Variants in ADAMTSL1 observed in about 807,000 individuals in gnomAD.
ADAMTSL1 encodes ADAMTS like 1.
ADAMTSL1 carries 126 observed loss-of-function variants against 201.8 expected under a neutral mutation model. The ratio of observed to expected loss-of-function variants is 0.62; its 90% CI spans 0.54 to 0.72. ADAMTSL1 has a LOEUF of 0.72. ADAMTSL1 is among the 30% of genes least tolerant of loss of function. ADAMTSL1 has a pLI of 0.00. For synonymous variants in ADAMTSL1, 1,121 were observed against 903.4 expected, an observed-to-expected ratio of 1.24 and a Z score of -4.32; for missense variants, 2,679 against 2,277.8, an observed-to-expected ratio of 1.18 and a Z score of -3.59.
At chr9:18,421,937 T>C (rs1193923479) in intron 2 of ADAMTSL1, among the ~76,000 whole-genome samples, 1 of 152,246 alleles carries the variant, frequency 6.6e-6, no homozygotes, top group Non-Finnish European at 1.5e-5. Flanking sequence ...GTTTCTTTCA[T>C]CATCATTTGC....
chr9:18,002,852 A>C (rs1407187363), intron 1 of ADAMTSL1, among the ~76,000 whole-genome samples: 1 of 152,080 alleles, frequency 6.6e-6, no homozygotes, highest in African/African-American at 2.4e-5. Context: ...AGAGCCAGAT[A>C]ACTAGCAAAT....
rs561783459 is a variant in ADAMTSL1, at chr9:18,208,000, G to T, written c.207+44019G>T. On this transcript the variant is annotated intron_variant, in intron 2 of 29. Coordinates refer to the ADAMTSL1 transcript ENST00000680146. Reference sequence around the variant, plus strand: ...GACAGCACCTGGGAACCAGGTGAATGTCAGTTTTACCACTTGCTGTGTGTC... The same window carrying T: ...GACAGCACCTGGGAACCAGGTGAATTTCAGTTTTACCACTTGCTGTGTGTC... Among the ~76,000 whole-genome samples, 7 of 152,280 alleles carry T rather than the reference G, an allele frequency of 4.6e-5. No individual in the cohort carries two copies. In the South Asian group the frequency reaches 1.4e-3, roughly 32 times the overall value.
intron 8 of ADAMTSL1, among the ~76,000 whole-genome samples, chr9:18,660,058 T>A (rs1340696433): frequency 1.3e-5 from 2 of 152,198 alleles, no homozygotes; most frequent in Admixed American, 1.3e-4. Flanking sequence ...TAGATTTACA[T>A]GTATCTTACT....
rs777446647 is a variant in ADAMTSL1 at position 18,675,907 on chromosome 9, G to A, written c.1136G>A (p.Arg379Gln). The A allele has an allele frequency of 1.2e-5, 20 of 1,612,410 alleles. No individual in the cohort carries two copies. The highest frequency in any genetic ancestry group is 1.6e-4 in the Middle Eastern group (1 of 6,080). Residue 379 changes from arginine (R) to glutamine (Q), a missense_variant and splice_region_variant, in exon 10 of 29, where the codon CGG becomes CAG. Coordinates refer to ENST00000380548, the MANE Select transcript of ADAMTSL1 (RefSeq NM_001040272.6). ...MPYDLYHPLP[R>Q]WEATPWTACS... ...TATGACCTCTACCATCCCCTTCCTC[G>A]GTACGTAAATCAATCATCCTGATGT...
chr9:18,816,180 C>G (rs1823838506), intron 20 of ADAMTSL1, among the ~76,000 whole-genome samples: 1 of 152,230 alleles, frequency 6.6e-6, no homozygotes, highest in Non-Finnish European at 1.5e-5. Flanking sequence ...CACTATGCTA[C>G]TCTCTACTTC....
At chr9:18,447,238 C>T (rs1820226397) in intron 2 of ADAMTSL1, among the ~76,000 whole-genome samples, 1 of 152,070 alleles carries the variant, frequency 6.6e-6, no homozygotes, top group Non-Finnish European at 1.5e-5. Flanking sequence ...CTCAAGGGCT[C>T]CGTGAGAAAA....
Position 18,211,667 on chromosome 9 carries a change from T to A in ADAMTSL1, c.207+47686T>A, listed in dbSNP as rs143213379. On this transcript the variant is annotated intron_variant, in intron 2 of 29. Coordinates refer to the ADAMTSL1 transcript ENST00000680146. ...CAGTTGCAAAAATGTGGCAATCCCT[T>A]AAAAATCCTTCTTTTATTTTAGAAG... is the stretch of plus-strand genomic sequence containing the variant. 1.6e-4 allele frequency among the ~76,000 whole-genome samples: 24 copies of A among 152,286 alleles called. No individual in the cohort carries two copies. The East Asian group carries it at 4.6e-3, about 29-fold the overall frequency.
At chr9:18,713,785 A>G (rs1360004201) in intron 14 of ADAMTSL1, among the ~76,000 whole-genome samples, 2 of 148,856 alleles carry the variant, frequency 1.3e-5, no homozygotes, top group Non-Finnish European at 3.0e-5. Context: ...CCCCAAATCA[A>G]CAGAATGTAC....
intron 26 of ADAMTSL1, among the ~76,000 whole-genome samples, chr9:18,899,053 G>C (rs766165250): frequency 6.6e-6 from 1 of 152,126 alleles, no homozygotes; most frequent in Non-Finnish European, 1.5e-5. Flanking sequence ...AAATCCCATC[G>C]TCTCAGCCCA....
chr9:18,508,434 T>C (rs1484047122), intron 2 of ADAMTSL1, among the ~76,000 whole-genome samples: 2 of 152,242 alleles, frequency 1.3e-5, no homozygotes, highest in East Asian at 1.9e-4. Context: ...AGATGATTTA[T>C]AGTCTCCTCC....
chr9:17,932,662 C>A (rs149345520), intron 1 of ADAMTSL1, among the ~76,000 whole-genome samples: 67 of 152,196 alleles, frequency 4.4e-4, no homozygotes, highest in African/African-American at 1.5e-3. Context: ...ATTTCTAAAT[C>A]TTTTCTGTGT....
intron 9 of ADAMTSL1, among the ~76,000 whole-genome samples, chr9:18,672,903 A>G (rs959559679): frequency 1.3e-5 from 2 of 152,154 alleles, no homozygotes; most frequent in Admixed American, 1.3e-4. Flanking sequence ...TCTTACCACC[A>G]CAACCCCTGA....
At chr9:18,873,659 T>C (rs113844207) in intron 23 of ADAMTSL1, among the ~76,000 whole-genome samples, 4,606 of 152,338 alleles carry the variant, frequency 0.03, 132 homozygotes, top group South Asian at 0.14. Context: ...TTGGTCTTTT[T>C]ATGCCTATTT....
chr9:18,656,642 A>AAAAAAAAG (rs1828699780), intron 7 of ADAMTSL1, among the ~76,000 whole-genome samples: 2 of 151,716 alleles, frequency 1.3e-5, no homozygotes, highest in African/African-American at 2.4e-5. Flanking sequence ...AAAAAAAAAA[A>AAAAAAAAG]AAAGAAAATG....
intron 1 of ADAMTSL1, among the ~76,000 whole-genome samples, chr9:18,128,792 G>A (rs1825838970): frequency 2.0e-5 from 3 of 152,002 alleles, no homozygotes; most frequent in Admixed American, 6.6e-5. Context: ...AAGTAAGAAA[G>A]TAGGTATTTA....
intron 23 of ADAMTSL1, among the ~76,000 whole-genome samples, chr9:18,837,418 G>T (rs961847497): frequency 1.3e-5 from 2 of 152,114 alleles, no homozygotes; most frequent in African/African-American, 2.4e-5. Context: ...ATATACGTGG[G>T]TATATTTCTA....
At chr9:18,270,738 T>C (rs1323515638) in intron 2 of ADAMTSL1, among the ~76,000 whole-genome samples, 1 of 152,056 alleles carries the variant, frequency 6.6e-6, no homozygotes, top group African/African-American at 2.4e-5. Context: ...TCCACAAGAG[T>C]TGTCATGGGG....
At chr9:18,550,430 G>A (rs992131989) in intron 3 of ADAMTSL1, among the ~76,000 whole-genome samples, 2 of 152,044 alleles carry the variant, frequency 1.3e-5, no homozygotes, top group African/African-American at 4.8e-5. Flanking sequence ...TTCATGTACT[G>A]TTGTTATTGG....
intron 1 of ADAMTSL1, among the ~76,000 whole-genome samples, chr9:18,154,581 C>A (rs1827067221): frequency 6.6e-6 from 1 of 152,004 alleles, no homozygotes; most frequent in Admixed American, 6.6e-5. Context: ...GATTATGCTC[C>A]CTTAACAGGA....
Sources: allele counts gnomAD v4.1 joint callset (sites outside exome capture counted in the v4.1 genomes callset), GRCh38; gene constraint gnomAD v4.1.1; transcripts MANE v1.5; gene names NCBI Gene and HGNC (gene_info 2026-07-23, HGNC 2026-07-21).